SCAF11: variants seen among roughly 807,000 people sequenced by gnomAD.
The protein encoded by SCAF11 is protein SCAF11.
Under a neutral mutation model 140.5 loss-of-function variants are expected in SCAF11, and 47 were observed. The observed-to-expected ratio is 0.33, with a 90% CI of 0.26 to 0.43. The LOEUF is 0.43. SCAF11 is among the 20% of genes least tolerant of loss of function. The pLI, the probability that SCAF11 is intolerant of heterozygous loss-of-function variation, is 1.00. For missense variants in SCAF11, 1,645 were observed against 1,705.1 expected (o/e 0.96, Z 0.62); for synonymous variants, 557 against 579.4 (o/e 0.96, Z 0.55).
chr12:45,926,663 G>A lies in SCAF11; in HGVS notation c.3038C>T (p.Ala1013Val), dbSNP rs761328140. The change falls in exon 11 of 15, where the codon GCT becomes GTT. Residue 1013 changes from alanine (A) to valine (V), a missense_variant. Around this residue, in one of 2 missense-constraint regions of SCAF11, gnomAD observed 1,582 missense variants for 1,609.2 expected, o/e 0.98. Coordinates refer to ENST00000369367, the MANE Select transcript of SCAF11 (RefSeq NM_004719.3). ...GGGACAGTCATTTCTATGTTTGTCAGCAGAATTTGGATCATCAGCATCTAG... is the reference window on the plus strand; with the variant it reads ...GGGACAGTCATTTCTATGTTTGTCAACAGAATTTGGATCATCAGCATCTAG... ...IHLDADDPNS[A>V]DKHRNDCPNW... 1 of 1,613,712 alleles carries A rather than the reference G, an allele frequency of 6.2e-7. No individual in the cohort carries two copies. The highest frequency in any genetic ancestry group is 8.5e-7 in the Non-Finnish European group (1 of 1,180,006).
At position 45,921,451 on chromosome 12, in the gene SCAF11, A is replaced by G. The variant is rs1485276321; in HGVS notation, c.*597T>C. The stretch of plus-strand genomic sequence containing the variant: ...TTATTTGGTCATACAATAGGTGAAG[A>G]GTGTCTCAATGTTTTGAACACTAAA... On this transcript the variant is annotated 3_prime_UTR_variant, in exon 15 of 15. Coordinates refer to ENST00000369367, the MANE Select transcript of SCAF11 (RefSeq NM_004719.3). 1.3e-5 allele frequency: 2 copies of G among 152,610 alleles called. No individual in the cohort carries two copies. Among genetic ancestry groups the G allele is most frequent in the East Asian group, 1.9e-4 (1 of 5,198 alleles). The allele number at this position is 152,610 out of a possible 1,614,324, so 9.5% of individuals were successfully genotyped here.
At chr12:45,941,338 A>G (rs947982678) in intron 6 of SCAF11, among the ~76,000 whole-genome samples, 3 of 152,198 alleles carry the variant, frequency 2.0e-5, no homozygotes, top group Admixed American at 2.0e-4. Context: ...ATGTTCTGAT[A>G]TACGTACACA....
chr12:45,951,898 G>A, intron 3 of SCAF11, 171 bp from the exon 4 acceptor site: 1 of 509,944 alleles, frequency 2.0e-6, no homozygotes, highest in South Asian at 3.1e-5. Context: ...AATACCTCCT[G>A]TATGCTAGAT....
intron 1 of SCAF11, among the ~76,000 whole-genome samples, chr12:45,983,566 C>G (rs1166917330): frequency 6.6e-6 from 1 of 152,060 alleles, no homozygotes; most frequent in Non-Finnish European, 1.5e-5. Flanking sequence ...ACAAAGCTAA[C>G]TTAAGAGTAT....
chr12:45,927,732 A>T lies in SCAF11; in HGVS notation c.1969T>A (p.Phe657Ile). The T allele has an allele frequency of 6.2e-7, 1 of 1,612,074 alleles. No individual in the cohort carries two copies. Among genetic ancestry groups the T allele is most frequent in the Non-Finnish European group, 8.5e-7 (1 of 1,179,280 alleles). ...ATCDTFGNED[F>I]NNIQDSENNL... is the part of the protein sequence containing the mutation. ...TTTTCAGAGTCTTGAATATTATTGAAATCTTCATTCCCAAAAGTATCACAT... is the reference window on the plus strand; with the variant it reads ...TTTTCAGAGTCTTGAATATTATTGATATCTTCATTCCCAAAAGTATCACAT... The change falls in exon 11 of 15, where the codon TTC (phenylalanine) becomes ATC (isoleucine). Residue 657 changes from phenylalanine (F) to isoleucine (I), a missense_variant. Physicochemically the swap from Phe to Ile is conservative, Grantham distance 21. This residue lies in a region of SCAF11 where 1,582 missense variants were observed against 1,609.2 expected (regional missense o/e 0.98). Transcript: ENST00000369367.
rs749686159 is a variant in SCAF11 at position 45,927,107 on chromosome 12, C to T, written c.2594G>A (p.Arg865Gln). 9 of 1,613,764 alleles carry T rather than the reference C, an allele frequency of 5.6e-6. No homozygotes were observed. The highest frequency in any genetic ancestry group is 4.5e-5 in the East Asian group (2 of 44,888). The change falls in exon 11 of 15, where the codon CGG becomes CAG. Residue 865 changes from arginine (R) to glutamine (Q), a missense_variant. Coordinates refer to ENST00000369367, the MANE Select transcript of SCAF11 (RefSeq NM_004719.3). ...CCTAGTAGTATCCCTTTTTGGAGAC[C>T]GAGACTGAGATTGCCTCCTTTCTCT... ...IARERRQSQS[R>Q]SPKRDTTRES...
intron 1 of SCAF11, among the ~76,000 whole-genome samples, chr12:45,973,013 GAT>G (rs1349692910): frequency 7.4e-6 from 1 of 135,156 alleles, no homozygotes; most frequent in African/African-American, 2.8e-5. Context: ...TATATATATA[GAT>G]ATATAGATAT....
rs1022550913 is a variant in SCAF11, at chr12:45,919,888, C to G, written c.*2160G>C. 6.6e-5 allele frequency: 10 copies of G among 152,184 alleles called. No individual in the cohort carries two copies. The highest frequency in any genetic ancestry group is 2.4e-4 in the African/African-American group (10 of 41,444). The allele number at this position is 152,184 out of a possible 1,614,324, so 9.4% of individuals were successfully genotyped here. On this transcript the variant is annotated 3_prime_UTR_variant, in exon 15 of 15. Coordinates refer to ENST00000369367, the MANE Select transcript of SCAF11 (RefSeq NM_004719.3). Reference sequence around the variant, plus strand: ...GTATAAAACACATTTTAAAATGTCACCCAATTCTCAAATGTCACTGAAAGA... The same window carrying G: ...GTATAAAACACATTTTAAAATGTCAGCCAATTCTCAAATGTCACTGAAAGA...
rs114685849 is a variant in SCAF11, at chr12:45,971,647, G to A, written c.-21-7459C>T. Among the ~76,000 whole-genome samples, 1,058 of 152,250 alleles carry A rather than the reference G, an allele frequency of 6.9e-3. 14 individuals are homozygous for A. Among genetic ancestry groups the A allele is most frequent in the African/African-American group, 0.024 (1,012 of 41,550 alleles). ...TAAAGTGAGGTGGGTAAGGGGGAGGGGAGCTGGGGGTAAGGAGTGTCTCCT... is the reference window on the plus strand; with the variant it reads ...TAAAGTGAGGTGGGTAAGGGGGAGGAGAGCTGGGGGTAAGGAGTGTCTCCT... On this transcript the variant is annotated intron_variant, in intron 1 of 14. Transcript: ENST00000369367.
chr12:45,925,493 G>A (rs978309896), intron 11 of SCAF11, among the ~76,000 whole-genome samples: 4 of 152,150 alleles, frequency 2.6e-5, no homozygotes, highest in Admixed American at 1.3e-4. Flanking sequence ...AGGTTGCAGT[G>A]AGCAAAGATC....
chr12:45,982,744 C>T (rs1041658492), intron 1 of SCAF11, among the ~76,000 whole-genome samples: 8 of 152,130 alleles, frequency 5.3e-5, no homozygotes, highest in Admixed American at 5.2e-4. Flanking sequence ...TAGACTGTTT[C>T]ATTGATCCCA....
chr12:45,960,725 GA>G (rs1334756447), intron 3 of SCAF11: 1 of 151,926 alleles, frequency 6.6e-6, no homozygotes, highest in Non-Finnish European at 1.5e-5. Context: ...AACTCAGCCA[GA>G]GTCACTATAC....
At chr12:45,979,990 T>C (rs181845954) in intron 1 of SCAF11, among the ~76,000 whole-genome samples, 2 of 152,180 alleles carry the variant, frequency 1.3e-5, no homozygotes, top group African/African-American at 4.8e-5. Flanking sequence ...GCCCATAACC[T>C]AGATTTTTGT....
At chr12:45,955,853 C>T (rs1592199880) in intron 3 of SCAF11, 2 of 330,518 alleles carry the variant, frequency 6.1e-6, no homozygotes, top group East Asian at 6.5e-5. Context: ...ACATCATTGG[C>T]TTTATGATAC....
intron 5 of SCAF11, among the ~76,000 whole-genome samples, chr12:45,948,119 G>A (rs905197360): frequency 1.3e-5 from 2 of 152,114 alleles, no homozygotes; most frequent in African/African-American, 4.8e-5. Context: ...GAGGAGGGGA[G>A]GACGGTCCTC....
chr12:45,967,507 G>T (rs947657709), intron 1 of SCAF11, among the ~76,000 whole-genome samples: 2 of 152,164 alleles, frequency 1.3e-5, no homozygotes, highest in South Asian at 2.1e-4. Flanking sequence ...AGCTGGGTGT[G>T]GTAGCAGGCA....
Position 45,923,077 on chromosome 12 carries a change from A to T in SCAF11, c.3984T>A (p.Asn1328Lys). The T allele has an allele frequency of 6.2e-7, 1 of 1,614,082 alleles. No homozygotes were observed. The highest frequency in any genetic ancestry group is 8.5e-7 in the Non-Finnish European group (1 of 1,179,998). Residue 1328 changes from asparagine (N) to lysine (K), a missense_variant, in exon 13 of 15, where the codon AAT (asparagine) becomes AAA (lysine). This residue lies in a region of SCAF11 where 1,582 missense variants were observed against 1,609.2 expected (regional missense o/e 0.98). Transcript: ENST00000369367. ...VLPAPTAAPG[N>K]TGMVQGPSSG... ...AACTTGGTCCCTGAACCATTCCCGT[A>T]TTTCCTGGGGCTGCTGTCGGAGCAG...
In SCAF11 at chr12:45,945,230, C is replaced by A; in HGVS notation, c.463+19G>T. 1 of 1,486,928 alleles carries A rather than the reference C, an allele frequency of 6.7e-7. No homozygotes were observed. Among genetic ancestry groups the A allele is most frequent in the Non-Finnish European group, 9.2e-7 (1 of 1,085,080 alleles). The allele number at this position is 1,486,928 out of a possible 1,614,324, so 92.1% of individuals were successfully genotyped here. A position where few individuals can be genotyped will look rare whatever the true frequency, so the allele number is the denominator to read the frequency against. On this transcript the variant is annotated intron_variant, in intron 6 of 14. Coordinates refer to ENST00000369367, the MANE Select transcript of SCAF11 (RefSeq NM_004719.3). ...ACAACAAAAAAAAAGGTAGAATCCACAAGCAAAAAGTAACTTACTATGTAT... is the reference window on the plus strand; with the variant it reads ...ACAACAAAAAAAAAGGTAGAATCCAAAAGCAAAAAGTAACTTACTATGTAT...
At chr12:45,954,960 T>C (rs932227093) in intron 3 of SCAF11, 3 of 151,480 alleles carry the variant, frequency 2.0e-5, no homozygotes, top group African/African-American at 7.3e-5. Flanking sequence ...TTAAGCATAA[T>C]TGTCTTAGGT....
Sources: gnomAD v4.1 joint callset for allele counts (sites outside exome capture counted in the v4.1 genomes callset) on GRCh38, gnomAD v4.1.1 for gene constraint, gnomAD v4.1.1 regional missense constraint, MANE v1.5 for transcripts, NCBI Gene and HGNC (gene_info 2026-07-23, HGNC 2026-07-21) for gene names.